Variants in GALNT5 observed in about 807,000 individuals in gnomAD.
GALNT5 encodes the protein polypeptide N-acetylgalactosaminyltransferase 5.
Under a neutral mutation model 85.4 loss-of-function variants are expected in GALNT5, and 72 were observed. That is an observed-to-expected ratio of 0.84 (90% CI 0.70 to 1.03). The LOEUF (loss-of-function observed/expected upper bound fraction) is 1.03, where lower values mean the gene tolerates loss of function less well. GALNT5 is among the 50% of genes least tolerant of loss of function. GALNT5 has a pLI of 0.00. For synonymous variants in GALNT5, 404 were observed against 397.0 expected, an observed-to-expected ratio of 1.02 and a Z score of -0.21; for missense variants, 1,137 against 1,135.5, an observed-to-expected ratio of 1.00 and a Z score of -0.02.
intron 1 of GALNT5, among the ~76,000 whole-genome samples, chr2:157,271,712 A>C (rs1259354322): frequency 6.6e-6 from 1 of 152,166 alleles, no homozygotes; most frequent in Non-Finnish European, 1.5e-5. Context: ...AGTGGGGTGA[A>C]GTCAAGGTTT....
chr2:157,266,732 A>G (rs1574012030), intron 1 of GALNT5, among the ~76,000 whole-genome samples: 2 of 152,288 alleles, frequency 1.3e-5, no homozygotes, highest in Admixed American at 1.3e-4. Flanking sequence ...TTTGGGATTC[A>G]AAAGAAAATT....
rs139539481 is a variant in GALNT5, at chr2:157,284,290, A to G, written c.1463A>G (p.Glu488Gly). 32 of 1,613,638 alleles carry G rather than the reference A, an allele frequency of 2.0e-5. No individual in the cohort carries two copies. The African/African-American group carries it at 4.0e-4, about 20-fold the overall frequency. The change falls in exon 2 of 10, where the codon GAG becomes GGG. Residue 488 changes from glutamate to glycine, a missense_variant. Physicochemically the swap from Glu to Gly is moderately conservative, Grantham distance 98. Coordinates refer to ENST00000259056, the MANE Select transcript of GALNT5 (RefSeq NM_014568.3). ...CTTATATTCTGGCCCAGATGTGCAG[A>G]GCAGCTAGTTCACAATAACCTCCCA... ...IEDTRPAGCA[E>G]QLVHNNLPTT...
chr2:157,258,371 AGT>A lies in GALNT5; in HGVS notation c.293_294del (p.Val98AlafsTer4). On this transcript the variant is annotated frameshift_variant, in exon 1 of 10. Coordinates refer to ENST00000259056, the MANE Select transcript of GALNT5 (RefSeq NM_014568.3). LOFTEE classifies it high-confidence loss of function. ...GKENVRKTEE[S>X]VLKVEVDLDQ... ...AGAGAATGTTAGAAAAACTGAGGAG[AGT>A]GTGCTCAAGGTTGAGGTGGACTTGG... The A allele has an allele frequency of 6.2e-7, 1 of 1,609,682 alleles. No homozygotes were observed. The highest frequency in any genetic ancestry group is 8.5e-7 in the Non-Finnish European group (1 of 1,178,528).
At chr2:157,286,328 T>A (rs544903074) in intron 3 of GALNT5, among the ~76,000 whole-genome samples, 194 bp downstream of exon 3, 188 of 152,312 alleles carry the variant, frequency 1.2e-3, no homozygotes, top group Non-Finnish European at 2.1e-3. Flanking sequence ...TATACTTTTT[T>A]CCTGAACCTT....
chr2:157,309,283 A>C (rs1683520132), intron 9 of GALNT5, among the ~76,000 whole-genome samples: 1 of 152,192 alleles, frequency 6.6e-6, no homozygotes. Context: ...GCATTTAATC[A>C]TACCACATTG....
At chr2:157,278,648 T>C (rs1384714742) in intron 1 of GALNT5, among the ~76,000 whole-genome samples, 4 of 152,196 alleles carry the variant, frequency 2.6e-5, no homozygotes, top group Admixed American at 6.5e-5. Context: ...TCTCTTGCCA[T>C]GGTTTTCAGC....
At position 157,259,181 on chromosome 2, in the gene GALNT5, T is replaced by G. The variant is rs146451636; in HGVS notation, c.1099T>G (p.Ser367Ala). Residue 367 changes from serine (S) to alanine (A), a missense_variant, in exon 1 of 10, where the codon TCT becomes GCT. Coordinates refer to ENST00000259056, the MANE Select transcript of GALNT5 (RefSeq NM_014568.3). Reference sequence around the variant, plus strand: ...CATTTCCAGGAATAGAAGTGAGATGTCTTCCTCTTCACTTGCTCCACATAG... The same window carrying G: ...CATTTCCAGGAATAGAAGTGAGATGGCTTCCTCTTCACTTGCTCCACATAG... ...KHISRNRSEM[S>A]SSSLAPHRVP... The G allele has an allele frequency of 6.5e-7, 1 of 1,538,962 alleles. No homozygotes were observed. The highest frequency in any genetic ancestry group is 8.7e-7 in the Non-Finnish European group (1 of 1,146,324).
chr2:157,296,373 G>A, intron 4 of GALNT5, 21 bp from the exon 5 acceptor site: 1 of 1,591,670 alleles, frequency 6.3e-7, no homozygotes, highest in Non-Finnish European at 8.6e-7. Context: ...ATAACACTTT[G>A]TTTTTCATTT....
chr2:157,300,902 G>C lies in GALNT5; in HGVS notation c.2342G>C (p.Arg781Thr). The C allele has an allele frequency of 6.2e-7, 1 of 1,614,042 alleles. No homozygotes were observed. The highest frequency in any genetic ancestry group is 8.5e-7 in the Non-Finnish European group (1 of 1,179,938). ...GATGTTGGCAACCTCACCCAGCAAAGGGAGCTGCGAAAGAAACTGAAGTGC... is the reference window on the plus strand; with the variant it reads ...GATGTTGGCAACCTCACCCAGCAAACGGAGCTGCGAAAGAAACTGAAGTGC... ...GLDVGNLTQQ[R>T]ELRKKLKCKS... The change falls in exon 7 of 10, where the codon AGG becomes ACG. Residue 781 changes from arginine (R) to threonine (T), a missense_variant. Transcript: ENST00000259056.
At chr2:157,304,443 C>T (rs183248967) in intron 7 of GALNT5, among the ~76,000 whole-genome samples, 1 of 152,262 alleles carries the variant, frequency 6.6e-6, no homozygotes, top group East Asian at 1.9e-4. Context: ...GTGATGGTTC[C>T]TATCCAAGGC....
At chr2:157,293,855 T>G (rs1266931088) in intron 3 of GALNT5, among the ~76,000 whole-genome samples, 1 of 152,244 alleles carries the variant, frequency 6.6e-6, no homozygotes, top group Non-Finnish European at 1.5e-5. Context: ...CTCTGCCTCC[T>G]TCTAGCATTT....
At chr2:157,286,950 T>C (rs1276934264) in intron 3 of GALNT5, among the ~76,000 whole-genome samples, 3 of 149,002 alleles carry the variant, frequency 2.0e-5, no homozygotes, top group Non-Finnish European at 3.0e-5. Flanking sequence ...TTTAAGTTCA[T>C]GCCATTTGTT....
rs770642305 is a variant in GALNT5, at chr2:157,308,679, A to G, written c.2633A>G (p.Lys878Arg). 36 of 1,613,944 alleles carry G rather than the reference A, an allele frequency of 2.2e-5. No homozygotes were observed. Among genetic ancestry groups the G allele is most frequent in the Non-Finnish European group, 3.1e-5 (36 of 1,179,878 alleles). Residue 878 changes from lysine to arginine, a missense_variant, in exon 9 of 10, where the codon AAA becomes AGA. Transcript: ENST00000259056. ...VRLHPCDNRNKGLKWLHKSTS... is the reference protein window; with the variant it reads ...VRLHPCDNRNRGLKWLHKSTS... ...CTGCACCCTTGTGATAACAGAAACAAAGGGCTAAAATGGCTGCATAAATCA... is the reference window on the plus strand; with the variant it reads ...CTGCACCCTTGTGATAACAGAAACAGAGGGCTAAAATGGCTGCATAAATCA...
chr2:157,302,715 G>C (rs921018393), intron 7 of GALNT5: 1 of 152,122 alleles, frequency 6.6e-6, no homozygotes. Flanking sequence ...CCGCTGTTGC[G>C]CTAACCTGAG....
intron 2 of GALNT5, among the ~76,000 whole-genome samples, chr2:157,285,484 C>T (rs1161275779): frequency 6.6e-6 from 1 of 152,140 alleles, no homozygotes; most frequent in Non-Finnish European, 1.5e-5. Flanking sequence ...CTGTAAGTCA[C>T]ATAAACATAG....
intron 9 of GALNT5, among the ~76,000 whole-genome samples, chr2:157,309,051 C>T (rs1321834689): frequency 1.3e-5 from 2 of 152,270 alleles, no homozygotes; most frequent in African/African-American, 4.8e-5. Flanking sequence ...CCCCACTGGT[C>T]ATCAGTAATG....
chr2:157,288,144 GT>G (rs1020536007), intron 3 of GALNT5, among the ~76,000 whole-genome samples: 9 of 152,216 alleles, frequency 5.9e-5, no homozygotes, highest in African/African-American at 1.7e-4. Context: ...ATTCAAGCAT[GT>G]TCTGATGGGA....
intron 3 of GALNT5, among the ~76,000 whole-genome samples, chr2:157,294,741 T>C (rs1256982535): frequency 6.6e-6 from 1 of 151,518 alleles, no homozygotes; most frequent in Non-Finnish European, 1.5e-5. Flanking sequence ...CAGGAGCTTA[T>C]TTCCTGGGTT....
At chr2:157,264,580 T>C (rs1682417718) in intron 1 of GALNT5, among the ~76,000 whole-genome samples, 1 of 151,566 alleles carries the variant, frequency 6.6e-6, no homozygotes, top group South Asian at 2.1e-4. Context: ...GATTCCTTCC[T>C]ACACAGCTAA....
Sources: allele counts gnomAD v4.1 joint callset (sites outside exome capture counted in the v4.1 genomes callset), GRCh38; gene constraint gnomAD v4.1.1; transcripts MANE v1.5; gene names NCBI Gene and HGNC (gene_info 2026-07-23, HGNC 2026-07-21).